Variants in LAMA3 observed in about 807,000 individuals in gnomAD.
LAMA3 encodes laminin subunit alpha 3, also known as laminin subunit alpha-3.
Under a neutral mutation model 402.0 loss-of-function variants are expected in LAMA3, and 281 were observed. The observed-to-expected ratio is 0.70, with a 90% confidence interval of 0.63 to 0.77. The LOEUF (loss-of-function observed/expected upper bound fraction) is 0.77, where lower values mean the gene tolerates loss of function less well. Among genes scored for constraint, LAMA3 ranks in the 30% least tolerant of loss-of-function variants. The pLI, the probability that LAMA3 is intolerant of heterozygous loss-of-function variation, is 0.00. For synonymous variants in LAMA3, 1,431 were observed against 1,558.4 expected (o/e 0.92, Z 1.93); for missense variants, 3,840 against 4,215.5 (o/e 0.91, Z 2.47).
At chr18:23,893,455 C>T (rs995411388) in intron 42 of LAMA3, among the ~76,000 whole-genome samples, 4 of 151,936 alleles carry the variant, frequency 2.6e-5, no homozygotes, top group South Asian at 2.1e-4. Flanking sequence ...TGGTGGTGCG[C>T]GCCTGTAGTC....
chr18:23,692,316 G>C (rs887547324), intron 1 of LAMA3, among the ~76,000 whole-genome samples: 2 of 152,236 alleles, frequency 1.3e-5, no homozygotes, highest in African/African-American at 4.8e-5. Flanking sequence ...GTCTCTCCCA[G>C]GTTGGAGTGC....
Position 23,838,453 on chromosome 18 carries a change from G to A in LAMA3, c.3094-328G>A, listed in dbSNP as rs138982314. On this transcript the variant is annotated intron_variant, in intron 25 of 74. Transcript: ENST00000313654. ...ACGGGCCTGAAAAGCCAGGATTGGC[G>A]CAAGACAAGACAGAAAAAAACAGGC... Among the ~76,000 whole-genome samples, 564 of 152,204 alleles carry A rather than the reference G, an allele frequency of 3.7e-3. 3 individuals are homozygous for A. Among genetic ancestry groups the A allele is most frequent in the Non-Finnish European group, 3.4e-3 (228 of 68,014 alleles).
intron 35 of LAMA3, among the ~76,000 whole-genome samples, chr18:23,864,553 T>G (rs1355421397): frequency 3.3e-5 from 5 of 152,200 alleles, no homozygotes; most frequent in Non-Finnish European, 7.3e-5. Context: ...TAAAGGTATC[T>G]TCTTGCTTGT....
chr18:23,824,659 T>C, intron 21 of LAMA3, 94 bp downstream of exon 21: 1 of 1,377,962 alleles, frequency 7.3e-7, no homozygotes, highest in Non-Finnish European at 1.0e-6. Flanking sequence ...GACCATAAAA[T>C]ATCACAATCA....
At chr18:23,828,596 G>T (rs891272509) in intron 23 of LAMA3, among the ~76,000 whole-genome samples, 2 of 151,762 alleles carry the variant, frequency 1.3e-5, no homozygotes, top group African/African-American at 4.8e-5. Flanking sequence ...GTGTGTATTT[G>T]TGTGTGTGTG....
intron 24 of LAMA3, 21 bp from the exon 25 acceptor site, chr18:23,836,960 A>T (rs2063593894): frequency 6.3e-7 from 1 of 1,596,978 alleles, no homozygotes; most frequent in South Asian, 1.1e-5. Flanking sequence ...CAGGCTAAGA[A>T]AACTCTGTTT....
Position 23,842,378 on chromosome 18 carries a change from CTCT to C in LAMA3, c.3337-15_3337-13del. ...TGAGGGTTTTTAATTTTTTTTCCTC[CTCT>C]TTTTTCCTCTTAGAATCAAGTGACC... is the stretch of plus-strand genomic sequence containing the variant. On this transcript the variant is annotated splice_polypyrimidine_tract_variant and intron_variant, in intron 27 of 74. Coordinates refer to ENST00000313654, the MANE Select transcript of LAMA3 (RefSeq NM_198129.4). 1.2e-6 allele frequency: 2 copies of C among 1,613,958 alleles called. No individual in the cohort carries two copies. The highest frequency in any genetic ancestry group is 1.7e-6 in the Non-Finnish European group (2 of 1,179,976).
intron 21 of LAMA3, among the ~76,000 whole-genome samples, chr18:23,826,092 C>G (rs1402270440): frequency 6.6e-6 from 1 of 152,200 alleles, no homozygotes; most frequent in South Asian, 2.1e-4. Context: ...GTCAGGACGG[C>G]TAGGGGCTGT....
At position 23,899,375 on chromosome 18, in the gene LAMA3, G is replaced by A. The variant is rs149809232; in HGVS notation, c.5924G>A (p.Arg1975His). 1.4e-4 allele frequency: 218 copies of A among 1,614,056 alleles called. No homozygotes were observed. The African/African-American group carries it at 2.5e-3, about 18-fold the overall frequency. Residue 1975 changes from arginine to histidine, a missense_variant, in exon 47 of 75, where the codon CGC becomes CAC. Transcript: ENST00000313654. ...TCCAGAGAGTGGGCTGAAGCCCAGC[G>A]CATGATGAGGGAACTGCGGAACAGG... ...DFSREWAEAQ[R>H]MMRELRNRNF... is the part of the protein sequence containing the mutation.
Position 23,901,256 on chromosome 18 carries a change from C to A in LAMA3, c.6134C>A (p.Ala2045Glu). The stretch of plus-strand genomic sequence containing the variant: ...GACCTTCGTGCTCGGCTGCAGGAGG[C>A]AGCTGCCCAAGCCAAGCAGGCAAAT... ...LSDLRARLQE[A>E]AAQAKQANGL... The change falls in exon 48 of 75, where the codon GCA becomes GAA. Residue 2045 changes from alanine to glutamate, a missense_variant. By Grantham distance (107) the Ala-to-Glu change is moderately radical (BLOSUM62 -1). Around this residue, in one of 3 missense-constraint regions of LAMA3, gnomAD observed 891 missense variants for 857.5 expected, o/e 1.04. Transcript: ENST00000313654. 6.2e-7 allele frequency: 1 copy of A among 1,614,174 alleles called. No individual in the cohort carries two copies. Among genetic ancestry groups the A allele is most frequent in the Middle Eastern group, 1.7e-4 (1 of 6,060 alleles).
chr18:23,893,577 C>T (rs1289914113), intron 42 of LAMA3, among the ~76,000 whole-genome samples: 4 of 151,836 alleles, frequency 2.6e-5, no homozygotes, highest in Non-Finnish European at 4.4e-5. Flanking sequence ...AGTGAGACTC[C>T]CCCCTCCCCA....
chr18:23,937,524 G>A (rs536672588), intron 67 of LAMA3, among the ~76,000 whole-genome samples: 2 of 152,288 alleles, frequency 1.3e-5, no homozygotes, highest in Admixed American at 6.5e-5. Flanking sequence ...GGCCAGGGAG[G>A]CGGGTGTCCA....
chr18:23,874,103 T>C (rs578071400), intron 38 of LAMA3, among the ~76,000 whole-genome samples: 27 of 152,230 alleles, frequency 1.8e-4, no homozygotes, highest in Admixed American at 1.2e-3. Context: ...TTAAGATGGG[T>C]GATTTAGTTT....
chr18:23,907,965 T>C (rs2081305664), intron 54 of LAMA3, 30 bp downstream of exon 54: 17 of 1,605,868 alleles, frequency 1.1e-5, no homozygotes, highest in Non-Finnish European at 1.4e-5. Flanking sequence ...CAGGACATCT[T>C]AGCCATTCTC....
chr18:23,781,536 A>G (rs745716244), intron 11 of LAMA3, among the ~76,000 whole-genome samples: 2 of 152,240 alleles, frequency 1.3e-5, no homozygotes, highest in Non-Finnish European at 2.9e-5. Context: ...TAGGCCCCAA[A>G]GCCTATGTAT....
Position 23,755,645 on chromosome 18 carries a change from C to T in LAMA3, c.947+1833C>T, listed in dbSNP as rs535593471. Among the ~76,000 whole-genome samples the T allele has an allele frequency of 3.9e-5, 6 of 152,262 alleles. No individual in the cohort carries two copies. The East Asian group carries it at 1.2e-3, about 29-fold the overall frequency. ...ATGTTGACCTTGCTGCATGGATAAG[C>T]GGAAGGACCTCAAATTTAATTCTGA... is the stretch of plus-strand genomic sequence containing the variant. On this transcript the variant is annotated intron_variant, in intron 6 of 74. Transcript: ENST00000313654.
At position 23,773,989 on chromosome 18, in the gene LAMA3, G is replaced by A. The variant is rs531318081; in HGVS notation, c.1273+402G>A. Among the ~76,000 whole-genome samples, 156 of 152,328 alleles carry A rather than the reference G, an allele frequency of 1.0e-3. No homozygotes were observed. The Middle Eastern group carries it at 0.014, about 13-fold the overall frequency. ...TAATCCCAGGACTTTGGGAGGCTGA[G>A]GCAGGTGGATCACTTGAGGCCAAGA... On this transcript the variant is annotated intron_variant, in intron 9 of 74. Transcript: ENST00000313654.
rs755007318 is a variant in LAMA3, at chr18:23,856,846, TG to T, written c.4137-995del. Reference sequence around the variant, plus strand: ...CCAGAAACCTCACCCCAAAATAGTTTGGGAGCCCATCCCTCCTCCCCATCTG... The same window carrying T: ...CCAGAAACCTCACCCCAAAATAGTTTGGAGCCCATCCCTCCTCCCCATCTG... On this transcript the variant is annotated intron_variant, in intron 32 of 74. Transcript: ENST00000313654. 2.0e-5 allele frequency among the ~76,000 whole-genome samples: 3 copies of T among 152,264 alleles called. No homozygotes were observed. In the South Asian group the frequency reaches 6.2e-4, roughly 32 times the overall value.
chr18:23,791,947 A>G (rs571264609), intron 12 of LAMA3, among the ~76,000 whole-genome samples: 3 of 152,184 alleles, frequency 2.0e-5, no homozygotes, highest in Non-Finnish European at 4.4e-5. Flanking sequence ...GTTAACATTG[A>G]AGTATTGTCC....
Sources: gnomAD v4.1 joint callset for allele counts (sites outside exome capture counted in the v4.1 genomes callset) on GRCh38, gnomAD v4.1.1 for gene constraint, gnomAD v4.1.1 regional missense constraint, MANE v1.5 for transcripts, NCBI Gene and HGNC (gene_info 2026-07-23, HGNC 2026-07-21) for gene names.